The following WWOX variants were observed in gnomAD, a reference collection of about 807,000 sequenced individuals.
WWOX encodes WW domain-containing oxidoreductase.
A neutral mutation model predicts 46.2 loss-of-function variants in WWOX; 69 were observed. The observed-to-expected ratio is 1.49, with a 90% CI of 1.23 to 1.82. WWOX has a LOEUF of 1.82. Ranked by LOEUF, WWOX falls within the 40% of genes most tolerant of loss-of-function variation. The probability of loss-of-function intolerance (pLI) is 0.00; values close to 1 mark genes in which losing one functional copy is unlikely to be tolerated. For missense variants in WWOX, 919 were observed against 542.6 expected (o/e 1.69, Z -6.89); for synonymous variants, 359 against 202.6 (o/e 1.77, Z -6.56).
intron 4 of WWOX, among the ~76,000 whole-genome samples, chr16:78,138,439 G>A (rs548707776): frequency 6.6e-6 from 1 of 152,200 alleles, no homozygotes; most frequent in South Asian, 2.1e-4. Flanking sequence ...AAACCAAAAG[G>A]GAAAGGAGGA....
intron 3 of WWOX, among the ~76,000 whole-genome samples, chr16:78,113,733 G>A (rs935535671): frequency 2.6e-5 from 4 of 152,130 alleles, no homozygotes; most frequent in African/African-American, 9.7e-5. Context: ...AGATAGTCAC[G>A]TTTGGCTCTT....
chr16:79,052,194 C>G (rs1466246494), intron 8 of WWOX, among the ~76,000 whole-genome samples: 4 of 151,536 alleles, frequency 2.6e-5, no homozygotes, highest in Non-Finnish European at 5.9e-5. Context: ...CCCCCTTCCC[C>G]CCACCCCACC....
chr16:79,205,704 G>A (rs2051487264), intron 8 of WWOX: 2 of 151,672 alleles, frequency 1.3e-5, no homozygotes, highest in Non-Finnish European at 2.9e-5. Flanking sequence ...AATACCTACA[G>A]GAAGTATTTG....
chr16:78,779,375 G>A (rs1404394684), intron 8 of WWOX, among the ~76,000 whole-genome samples: 2 of 152,044 alleles, frequency 1.3e-5, no homozygotes, highest in Non-Finnish European at 2.9e-5. Context: ...TTGAACTCTT[G>A]AGCTCAAGAA....
chr16:78,916,216 G>A (rs781586822), intron 8 of WWOX, among the ~76,000 whole-genome samples: 6 of 152,178 alleles, frequency 3.9e-5, no homozygotes, highest in Admixed American at 2.0e-4. Context: ...GGGAGGAAGC[G>A]ACATGTTAAC....
At chr16:79,067,826 T>G (rs2048470834) in intron 8 of WWOX, among the ~76,000 whole-genome samples, 1 of 152,304 alleles carries the variant, frequency 6.6e-6, no homozygotes, top group South Asian at 2.1e-4. Context: ...CTGACAGTGT[T>G]GCGAGTCATC....
intron 8 of WWOX, among the ~76,000 whole-genome samples, chr16:79,141,064 A>G (rs1449717524): frequency 6.6e-6 from 1 of 152,216 alleles, no homozygotes; most frequent in Non-Finnish European, 1.5e-5. Flanking sequence ...GGGAAAAGTC[A>G]AGCTGGGAAC....
At chr16:78,870,000 T>A (rs1472929232) in intron 8 of WWOX, among the ~76,000 whole-genome samples, 1 of 152,154 alleles carries the variant, frequency 6.6e-6, no homozygotes, top group Non-Finnish European at 1.5e-5. Flanking sequence ...CAGATCAAAG[T>A]CTCTCCACTG....
At chr16:79,071,779 T>G (rs559039146) in intron 8 of WWOX, among the ~76,000 whole-genome samples, 1 of 152,346 alleles carries the variant, frequency 6.6e-6, no homozygotes, top group Admixed American at 6.5e-5. Context: ...TGGCTCTGAT[T>G]CAGAGGTAGG....
intron 5 of WWOX, among the ~76,000 whole-genome samples, chr16:78,262,322 T>C (rs1336198136): frequency 6.6e-6 from 1 of 152,200 alleles, no homozygotes; most frequent in Non-Finnish European, 1.5e-5. Context: ...CTCTGGTAGA[T>C]ATAAAGTATT....
intron 5 of WWOX, among the ~76,000 whole-genome samples, chr16:78,270,829 A>G (rs769950811): frequency 2.6e-5 from 4 of 152,178 alleles, no homozygotes; most frequent in Non-Finnish European, 4.4e-5. Flanking sequence ...AAAAACAAAA[A>G]TGAACAAAAA....
intron 8 of WWOX, among the ~76,000 whole-genome samples, chr16:78,612,332 T>G (rs1377997465): frequency 6.6e-6 from 1 of 152,216 alleles, no homozygotes; most frequent in Non-Finnish European, 1.5e-5. Context: ...ACAAGCTCTT[T>G]GTGTCCATAC....
chr16:78,465,139 C>G (rs1354351953), intron 8 of WWOX, among the ~76,000 whole-genome samples: 1 of 152,198 alleles, frequency 6.6e-6, no homozygotes, highest in Non-Finnish European at 1.5e-5. Context: ...CACTGGGTCC[C>G]TACCATGACA....
chr16:78,210,037 GAAAA>G (rs373421222), intron 5 of WWOX, among the ~76,000 whole-genome samples: 1 of 146,562 alleles, frequency 6.8e-6, no homozygotes, highest in Non-Finnish European at 1.5e-5. Flanking sequence ...AAGCCAAAAA[GAAAA>G]AAAAAAATTG....
At chr16:78,566,376 T>C (rs114065272) in intron 8 of WWOX, among the ~76,000 whole-genome samples, 3,457 of 152,234 alleles carry the variant, frequency 0.023, 93 homozygotes, top group African/African-American at 0.06. Context: ...GCAAGTATAG[T>C]AGTGGGAGAA....
At chr16:78,334,990 C>T (rs1403711785) in intron 5 of WWOX, among the ~76,000 whole-genome samples, 2 of 151,406 alleles carry the variant, frequency 1.3e-5, no homozygotes, top group Non-Finnish European at 2.9e-5. Context: ...AAGACAGAGA[C>T]CAGAGGTTCC....
chr16:78,235,892 G>T (rs2037421608), intron 5 of WWOX, among the ~76,000 whole-genome samples: 1 of 152,210 alleles, frequency 6.6e-6, no homozygotes, highest in Non-Finnish European at 1.5e-5. Flanking sequence ...CTGTAGCATA[G>T]CAGGTACCCA....
At position 78,115,066 on chromosome 16, in the gene WWOX, C is replaced by T. The variant is rs373306276; in HGVS notation, c.321C>T (p.Tyr107=). 74 of 1,614,042 alleles carry T rather than the reference C, an allele frequency of 4.6e-5. No individual in the cohort carries two copies. Among genetic ancestry groups the T allele is most frequent in the South Asian group, 3.1e-4 (28 of 91,084 alleles). ...CCAAGCCAACCACCCGGCAAAGATA[C>T]GACGGCAGCACCACTGCCATGGAAA... ...NPTKPTTRQR[Y]DGSTTAMEIL... Residue 107 remains tyrosine, a synonymous_variant, in exon 4 of 9, where the codon TAC becomes TAT. Coordinates refer to ENST00000566780, the MANE Select transcript of WWOX (RefSeq NM_016373.4).
intron 8 of WWOX, among the ~76,000 whole-genome samples, chr16:78,513,950 G>T (rs1329662962): frequency 1.4e-5 from 2 of 143,676 alleles, no homozygotes; most frequent in East Asian, 4.1e-4. Context: ...AACATCCATT[G>T]GGAAACTCTT....
Sources: gnomAD v4.1 joint callset for allele counts (sites outside exome capture counted in the v4.1 genomes callset) on GRCh38, gnomAD v4.1.1 for gene constraint, MANE v1.5 for transcripts, NCBI Gene and HGNC (gene_info 2026-07-23, HGNC 2026-07-21) for gene names.